The following DLGAP2 variants were observed in gnomAD, a reference collection of about 807,000 sequenced individuals.
DLGAP2 encodes the protein disks large-associated protein 2.
Under a neutral mutation model 100.3 loss-of-function variants are expected in DLGAP2, and 26 were observed. The ratio of observed to expected loss-of-function variants is 0.26; its 90% CI spans 0.19 to 0.36. The LOEUF (loss-of-function observed/expected upper bound fraction) is 0.36. DLGAP2 is among the 10% of genes least tolerant of loss of function. The pLI is 1.00. For synonymous variants in DLGAP2, 886 were observed against 630.1 expected (o/e 1.41, Z -6.08); for missense variants, 1,858 against 1,453.2 (o/e 1.28, Z -4.53).
At chr8:1,683,248 G>A (rs1225378139) in intron 12 of DLGAP2, among the ~76,000 whole-genome samples, 1 of 151,682 alleles carries the variant, frequency 6.6e-6, no homozygotes, top group Non-Finnish European at 1.5e-5. Context: ...AGGTGGCACT[G>A]TGCTGGGCCT....
At chr8:1,420,850 C>G (rs1340955104) in intron 3 of DLGAP2, among the ~76,000 whole-genome samples, 1 of 152,144 alleles carries the variant, frequency 6.6e-6, no homozygotes, top group Non-Finnish European at 1.5e-5. Flanking sequence ...GAGGTGCTTC[C>G]CCATCTGCGC....
At chr8:1,312,472 C>G (rs949365277) in intron 3 of DLGAP2, among the ~76,000 whole-genome samples, 3 of 152,136 alleles carry the variant, frequency 2.0e-5, no homozygotes, top group Non-Finnish European at 4.4e-5. Flanking sequence ...ACAAAGAACT[C>G]TTAAGCAACA....
chr8:1,540,064 C>T (rs1801309709), intron 4 of DLGAP2, among the ~76,000 whole-genome samples: 1 of 152,174 alleles, frequency 6.6e-6, no homozygotes, highest in Admixed American at 6.5e-5. Flanking sequence ...CCCTGTGGTC[C>T]TCCTCCCTGG....
chr8:1,089,963 G>T (rs1195687095), intron 2 of DLGAP2, among the ~76,000 whole-genome samples: 1 of 152,182 alleles, frequency 6.6e-6, no homozygotes, highest in Non-Finnish European at 1.5e-5. Context: ...AAGTGACTTG[G>T]GGGGCTGTGG....
intron 3 of DLGAP2, among the ~76,000 whole-genome samples, chr8:1,343,528 C>A (rs368658364): frequency 3.3e-5 from 5 of 152,198 alleles, no homozygotes; most frequent in African/African-American, 1.2e-4. Flanking sequence ...CAAAGACTCT[C>A]TCAGGCTGGA....
intron 3 of DLGAP2, among the ~76,000 whole-genome samples, chr8:1,437,277 C>T (rs932975287): frequency 6.6e-6 from 1 of 152,402 alleles, no homozygotes; most frequent in Admixed American, 6.5e-5. Context: ...GGTCTCCGTT[C>T]AGCCCAGGCA....
chr8:1,226,465 G>T (rs767502038), intron 2 of DLGAP2, among the ~76,000 whole-genome samples: 3 of 152,126 alleles, frequency 2.0e-5, no homozygotes, highest in African/African-American at 4.8e-5. Context: ...ACACACAGGG[G>T]CCTGTCAGGG....
chr8:1,086,775 T>A (rs1056942477), intron 2 of DLGAP2, among the ~76,000 whole-genome samples: 1 of 152,128 alleles, frequency 6.6e-6, no homozygotes, highest in Admixed American at 6.5e-5. Context: ...GTGAAAAGGA[T>A]CTAAAGGTAG....
chr8:1,489,350 G>A (rs905968523), intron 3 of DLGAP2, among the ~76,000 whole-genome samples: 2 of 152,206 alleles, frequency 1.3e-5, no homozygotes, highest in African/African-American at 4.8e-5. Context: ...TGGCGGAGTG[G>A]ATGAGCGAGG....
intron 2 of DLGAP2, among the ~76,000 whole-genome samples, chr8:1,195,702 G>A (rs1585141505): frequency 6.6e-6 from 1 of 152,114 alleles, no homozygotes; most frequent in Non-Finnish European, 1.5e-5. Context: ...CATTAGGGGC[G>A]TGTGTTGTAT....
chr8:1,386,736 G>T (rs540831572), intron 3 of DLGAP2, among the ~76,000 whole-genome samples: 5 of 152,274 alleles, frequency 3.3e-5, no homozygotes, highest in African/African-American at 1.2e-4. Flanking sequence ...TCAGGATGGG[G>T]AGGAAAGCCC....
rs144665631 is a variant in DLGAP2, at chr8:1,303,812, C to T, written c.106+44929C>T. On this transcript the variant is annotated intron_variant, in intron 3 of 14. Coordinates refer to ENST00000637795, the MANE Select transcript of DLGAP2 (RefSeq NM_001346810.2). ...CCGGTGCTCGTCCAGCCCTGCGCTG[C>T]GCTGAGGAGAAGGCGGGACTCCCGG... Among the ~76,000 whole-genome samples the T allele has an allele frequency of 2.4e-4, 37 of 152,248 alleles. No individual in the cohort carries two copies. The East Asian group carries it at 7.2e-3, about 30-fold the overall frequency.
chr8:1,548,720 C>G lies in DLGAP2; in HGVS notation c.267C>G (p.Thr89=), dbSNP rs751879589. 5 of 1,606,894 alleles carry G rather than the reference C, an allele frequency of 3.1e-6. No homozygotes were observed. Among genetic ancestry groups the G allele is most frequent in the Non-Finnish European group, 4.2e-6 (5 of 1,178,108 alleles). Reference sequence around the variant, plus strand: ...TGAAGGGCCTTTCCGGAAGTCGGACCCAGCCGCCGCTGTGTTCCGGGCACA... The same window carrying G: ...TGAAGGGCCTTTCCGGAAGTCGGACGCAGCCGCCGCTGTGTTCCGGGCACA... The part of the protein sequence containing the change: ...RSMKGLSGSR[T]QPPLCSGHTC... The change falls in exon 5 of 15, where the codon ACC becomes ACG. Residue 89 remains threonine (T), a synonymous_variant. Transcript: ENST00000637795.
chr8:1,420,598 A>G (rs956963832), intron 3 of DLGAP2, among the ~76,000 whole-genome samples: 1 of 152,234 alleles, frequency 6.6e-6, no homozygotes, highest in African/African-American at 2.4e-5. Context: ...TATGTTGAGC[A>G]TCAATGTCAA....
At chr8:1,172,931 T>G (rs545677937) in intron 2 of DLGAP2, among the ~76,000 whole-genome samples, 1 of 152,310 alleles carries the variant, frequency 6.6e-6, no homozygotes, top group African/African-American at 2.4e-5. Flanking sequence ...TGAGGAACTG[T>G]GATGCTTTGG....
intron 3 of DLGAP2, among the ~76,000 whole-genome samples, chr8:1,289,517 T>G (rs1800013136): frequency 6.6e-6 from 1 of 152,204 alleles, no homozygotes. Context: ...GGGATAGAGC[T>G]GTAAAAGCTC....
intron 2 of DLGAP2, among the ~76,000 whole-genome samples, chr8:1,185,747 T>A (rs557909087): frequency 0.012 from 1,216 of 101,180 alleles, 10 homozygotes; most frequent in African/African-American, 0.043. Context: ...ACACACACAC[T>A]CACACACATT....
At chr8:1,496,823 C>G (rs1799561362) in intron 3 of DLGAP2, among the ~76,000 whole-genome samples, 1 of 152,144 alleles carries the variant, frequency 6.6e-6, no homozygotes, top group African/African-American at 2.4e-5. Context: ...GCTGCTGTGC[C>G]CAGAGGTGTG....
chr8:1,069,295 C>T (rs1241234858), intron 2 of DLGAP2, among the ~76,000 whole-genome samples: 1 of 152,074 alleles, frequency 6.6e-6, no homozygotes, highest in Non-Finnish European at 1.5e-5. Flanking sequence ...AGCTGGGGCC[C>T]CTGGACAGGT....
Sources: gnomAD v4.1 joint callset for allele counts (sites outside exome capture counted in the v4.1 genomes callset) on GRCh38, gnomAD v4.1.1 for gene constraint, MANE v1.5 for transcripts, NCBI Gene and HGNC (gene_info 2026-07-23, HGNC 2026-07-21) for gene names.